Variants in HS1BP3 observed in about 807,000 individuals in gnomAD.
HS1BP3 encodes HCLS1 binding protein 3, also known as HCLS1-binding protein 3.
HS1BP3 carries 32 observed loss-of-function variants against 33.5 expected under a neutral mutation model. The ratio of observed to expected loss-of-function variants is 0.95; its 90% CI spans 0.72 to 1.28. The LOEUF (loss-of-function observed/expected upper bound fraction) is 1.28. Among genes scored for constraint, HS1BP3 ranks in the 50% most tolerant of loss-of-function variants. The pLI, the probability that HS1BP3 is intolerant of heterozygous loss-of-function variation, is 0.00. For synonymous variants in HS1BP3, 187 were observed against 209.2 expected (o/e 0.89, Z 0.92); for missense variants, 486 against 502.3 (o/e 0.97, Z 0.31).
downstream of HS1BP3, among the ~76,000 whole-genome samples, chr2:20,588,881 C>T (rs1292456419): frequency 6.6e-6 from 1 of 152,220 alleles, no homozygotes; most frequent in African/African-American, 2.4e-5. Context: ...GAGGCAGGCT[C>T]AGCCTTCTGA....
intron 2 of HS1BP3, 107 bp from the exon 3 acceptor site, chr2:20,641,287 C>T: frequency 1.0e-6 from 1 of 994,250 alleles, no homozygotes; most frequent in Non-Finnish European, 1.5e-6. Flanking sequence ...GGAAGTGTGC[C>T]AGGTACGCCC....
At position 20,624,024 on chromosome 2, in the gene HS1BP3, C is replaced by T; in HGVS notation, c.792G>A (p.Lys264=). 6.2e-7 allele frequency: 1 copy of T among 1,611,718 alleles called. No homozygotes were observed. Among genetic ancestry groups the T allele is most frequent in the Non-Finnish European group, 8.5e-7 (1 of 1,179,684 alleles). The change falls in exon 6 of 7, where the codon AAG becomes AAA. Residue 264 remains lysine (K), a synonymous_variant. Transcript: ENST00000304031. ...SEDVSSVDPL[K]LFDDPDLGGA... ...CGCCGAGGTCAGGATCATCAAATAGCTTCAGGGCTGTGGGAAGGCAGCAGC... is the reference window on the plus strand; with the variant it reads ...CGCCGAGGTCAGGATCATCAAATAGTTTCAGGGCTGTGGGAAGGCAGCAGC...
At chr2:20,573,680 G>C (rs148947784) in intron 5 of HS1BP3, among the ~76,000 whole-genome samples, 2 of 152,170 alleles carry the variant, frequency 1.3e-5, no homozygotes, top group Non-Finnish European at 2.9e-5. Flanking sequence ...TCCCCTTCCT[G>C]TTCAGCTACT....
At chr2:20,584,685 A>G (rs1403368007) in intron 5 of HS1BP3, among the ~76,000 whole-genome samples, 1 of 152,122 alleles carries the variant, frequency 6.6e-6, no homozygotes, top group Non-Finnish European at 1.5e-5. Context: ...CCCAAGTGAC[A>G]TGGATCCGAT....
intron 5 of HS1BP3, among the ~76,000 whole-genome samples, chr2:20,567,446 G>A (rs1693157421): frequency 6.6e-6 from 1 of 152,154 alleles, no homozygotes; most frequent in Admixed American, 6.5e-5. Context: ...CCGGCCCCAA[G>A]TATCCCAGTC....
At chr2:20,615,612 G>T (rs1241956255), downstream of HS1BP3, among the ~76,000 whole-genome samples, 2 of 152,196 alleles carry the variant, frequency 1.3e-5, no homozygotes, top group East Asian at 3.8e-4. Flanking sequence ...GGGACATGCT[G>T]GTAGCTCTGT....
At chr2:20,608,549 G>A (rs183089241) in intron 2 of HS1BP3, among the ~76,000 whole-genome samples, 150 of 140,950 alleles carry the variant, frequency 1.1e-3, no homozygotes, top group Non-Finnish European at 1.9e-3. Context: ...ACCCCAGCCC[G>A]GGCAACAAGA....
chr2:20,583,019 T>C (rs1480087279), intron 5 of HS1BP3, among the ~76,000 whole-genome samples: 4 of 152,124 alleles, frequency 2.6e-5, no homozygotes, highest in Non-Finnish European at 5.9e-5. Context: ...CTACTCAGCC[T>C]AACCTGAGAG....
chr2:20,639,019 C>T (rs1572358234), intron 3 of HS1BP3, among the ~76,000 whole-genome samples: 1 of 152,220 alleles, frequency 6.6e-6, no homozygotes, highest in African/African-American at 2.4e-5. Context: ...CCCGGGTGAG[C>T]GGTGGGATAC....
In HS1BP3 at chr2:20,628,346, T is replaced by C. The variant is rs186270523; in HGVS notation, c.624-3454A>G. 1.0e-3 allele frequency among the ~76,000 whole-genome samples: 159 copies of C among 152,202 alleles called. 1 individual carries two copies. Among genetic ancestry groups the C allele is most frequent in the Non-Finnish European group, 1.8e-3 (120 of 67,984 alleles). ...GGCTTATGCCTGTAATCCCAGCACT[T>C]TCGGAGGCTGAGGTGGGTGAATTTA... is the stretch of plus-strand genomic sequence containing the variant. On this transcript the variant is annotated intron_variant, in intron 4 of 6. Transcript: ENST00000304031.
chr2:20,631,833 A>T (rs1694978137), intron 4 of HS1BP3, among the ~76,000 whole-genome samples: 1 of 152,070 alleles, frequency 6.6e-6, no homozygotes, highest in Non-Finnish European at 1.5e-5. Context: ...CCTACATTCT[A>T]CAGCAAGCGC....
At chr2:20,557,179 C>T (rs1692861298), downstream of HS1BP3, among the ~76,000 whole-genome samples, 1 of 152,202 alleles carries the variant, frequency 6.6e-6, no homozygotes, top group South Asian at 2.1e-4. Context: ...GATGCAAATG[C>T]AAATTCTGAT....
At chr2:20,584,629 G>A (rs987297957) in intron 5 of HS1BP3, among the ~76,000 whole-genome samples, 2 of 152,028 alleles carry the variant, frequency 1.3e-5, no homozygotes, top group Non-Finnish European at 2.9e-5. Context: ...GCTGATCCAG[G>A]GCTTCTTGGT....
Position 20,640,957 on chromosome 2 carries a change from G to A in HS1BP3, c.406+16C>T. On this transcript the variant is annotated intron_variant, in intron 3 of 6. Transcript: ENST00000304031. ...GCCGGGGAGACCTGAGGGACATGGG[G>A]CAGAGCCTTGGGTACCTAAGAACTC... 1 of 1,613,128 alleles carries A rather than the reference G, an allele frequency of 6.2e-7. No homozygotes were observed.
intron 5 of HS1BP3, among the ~76,000 whole-genome samples, chr2:20,585,122 G>A (rs1437594519): frequency 6.6e-6 from 1 of 152,186 alleles, no homozygotes; most frequent in Non-Finnish European, 1.5e-5. Context: ...CCACCTCAGA[G>A]CCGTGGCTGA....
chr2:20,594,990 C>T (rs1380796872), intron 3 of HS1BP3, among the ~76,000 whole-genome samples: 1 of 152,176 alleles, frequency 6.6e-6, no homozygotes, highest in African/African-American at 2.4e-5. Context: ...TCAACATACA[C>T]GTTGTCGGGA....
intron 4 of HS1BP3, among the ~76,000 whole-genome samples, chr2:20,625,165 G>A (rs145403283): frequency 1.1e-3 from 165 of 152,368 alleles, no homozygotes; most frequent in Admixed American, 3.2e-3. Flanking sequence ...GCAGGCCAGC[G>A]AAGGTGGTTG....
chr2:20,587,152 G>A (rs1239897601), intron 5 of HS1BP3, among the ~76,000 whole-genome samples: 1 of 152,170 alleles, frequency 6.6e-6, no homozygotes, highest in Non-Finnish European at 1.5e-5. Flanking sequence ...AGTAAAACAT[G>A]GAAGCCAAGA....
At chr2:20,576,002 G>GT (rs1693391023) in intron 5 of HS1BP3, among the ~76,000 whole-genome samples, 1 of 152,116 alleles carries the variant, frequency 6.6e-6, no homozygotes, top group Non-Finnish European at 1.5e-5. Context: ...GTTTTGTTTT[G>GT]TTTTTTGAGA....
Sources: allele counts gnomAD v4.1 joint callset (sites outside exome capture counted in the v4.1 genomes callset), GRCh38; gene constraint gnomAD v4.1.1; transcripts MANE v1.5; gene names NCBI Gene and HGNC (gene_info 2026-07-23, HGNC 2026-07-21).